PCDHGB2: variants seen among roughly 807,000 people sequenced by gnomAD.
The protein encoded by PCDHGB2 is protocadherin gamma subfamily B, 2.
A neutral mutation model predicts 59.3 loss-of-function variants in PCDHGB2; 55 were observed. That is an observed-to-expected ratio of 0.93 (90% CI 0.75 to 1.16). The LOEUF is 1.16. Among genes scored for constraint, PCDHGB2 ranks in the 50% most tolerant of loss-of-function variants. PCDHGB2 has a pLI of 0.00. For missense variants in PCDHGB2, 1,228 were observed against 1,198.5 expected (o/e 1.02, Z -0.36); for synonymous variants, 516 against 512.0 (o/e 1.01, Z -0.11).
Position 141,477,849 on chromosome 5 carries a change from A to G in PCDHGB2, c.2422-16958A>G. ...CCTCGGCCAGGTGGGAGCTCGGTGGAGATGCTGCCTCGAGGTACCTCAGCT... is the reference window on the plus strand; with the variant it reads ...CCTCGGCCAGGTGGGAGCTCGGTGGGGATGCTGCCTCGAGGTACCTCAGCT... On this transcript the variant is annotated intron_variant, in intron 1 of 3. Transcript: ENST00000522605. This position sits in a 1 kb window ranked among gnomAD's most constrained non-coding sequence, Gnocchi z 4.9. The G allele has an allele frequency of 6.8e-6, 11 of 1,612,812 alleles. No individual in the cohort carries two copies. Among genetic ancestry groups the G allele is most frequent in the Non-Finnish European group, 8.5e-6 (10 of 1,179,548 alleles).
chr5:141,390,186 A>G (rs760464699), intron 1 of PCDHGB2: 1 of 1,614,048 alleles, frequency 6.2e-7, no homozygotes, highest in East Asian at 2.2e-5. Flanking sequence ...CCTAAAATGT[A>G]GTGAGCAGTT....
At chr5:141,456,312 G>A (rs1036961015) in intron 1 of PCDHGB2, among the ~76,000 whole-genome samples, 2 of 152,126 alleles carry the variant, frequency 1.3e-5, no homozygotes, top group African/African-American at 4.8e-5. Flanking sequence ...AGCAGCTAGG[G>A]CTCCTCCTGG....
chr5:141,450,092 C>T (rs761677942), intron 1 of PCDHGB2, among the ~76,000 whole-genome samples: 2 of 148,672 alleles, frequency 1.3e-5, no homozygotes, highest in Non-Finnish European at 3.0e-5. Flanking sequence ...CTGCAACCTC[C>T]GCCTCCCAGG....
In PCDHGB2 at chr5:141,511,261, G is replaced by A; in HGVS notation, c.*88G>A. On this transcript the variant is annotated 3_prime_UTR_variant, in exon 4 of 4. Transcript: ENST00000522605. The stretch of plus-strand genomic sequence containing the variant: ...CTGCACCCAGGCCTCAGAGTTTCAG[G>A]GCTAACCCCCAGAATACTGGTAGGG... 2 of 1,557,474 alleles carry A rather than the reference G, an allele frequency of 1.3e-6. No homozygotes were observed. The highest frequency in any genetic ancestry group is 1.4e-5 in the African/African-American group (1 of 73,440).
At chr5:141,407,851 C>T (rs2094989102) in intron 1 of PCDHGB2, among the ~76,000 whole-genome samples, 1 of 152,194 alleles carries the variant, frequency 6.6e-6, no homozygotes, top group Non-Finnish European at 1.5e-5. Flanking sequence ...GGGGGATGTA[C>T]ACCTGCATTT....
chr5:141,376,914 C>G (rs1025348102), intron 1 of PCDHGB2: 2 of 179,598 alleles, frequency 1.1e-5, no homozygotes, highest in Non-Finnish European at 2.3e-5. Flanking sequence ...GTCTCGATCT[C>G]CTGACCTCAT....
At chr5:141,394,875 A>G in intron 1 of PCDHGB2, 3 of 1,613,722 alleles carry the variant, frequency 1.9e-6, no homozygotes, top group Non-Finnish European at 8.5e-7. Flanking sequence ...GAACGATTCG[A>G]GCCTTACACT....
chr5:141,450,669 T>C (rs2098689726), intron 1 of PCDHGB2, among the ~76,000 whole-genome samples: 1 of 151,904 alleles, frequency 6.6e-6, no homozygotes, highest in Admixed American at 6.6e-5. Context: ...GTACTTTTAG[T>C]AGAAACGGGG....
chr5:141,389,747 G>A (rs766506538), intron 1 of PCDHGB2: 38 of 1,612,722 alleles, frequency 2.4e-5, no homozygotes, highest in Admixed American at 2.2e-4. Context: ...GGCTGCGCAC[G>A]GGCGAAGTGC....
At position 141,400,283 on chromosome 5, in the gene PCDHGB2, C is replaced by T. The variant is rs566639489; in HGVS notation, c.2421+37727C>T. 2.5e-6 allele frequency: 4 copies of T among 1,614,084 alleles called. No individual in the cohort carries two copies. In the African/African-American group the frequency reaches 5.3e-5, roughly 22 times the overall value. On this transcript the variant is annotated intron_variant, in intron 1 of 3. Coordinates refer to ENST00000522605, the MANE Select transcript of PCDHGB2 (RefSeq NM_018923.3). The stretch of plus-strand genomic sequence containing the variant: ...CTGCGACGCTCCTCCAGCCCTGCCG[C>T]CTGGAGCTGCTTCCAACCTGGTCTC...
chr5:141,478,164 C>A (rs202185809), intron 1 of PCDHGB2: 2 of 1,614,010 alleles, frequency 1.2e-6, no homozygotes, highest in African/African-American at 1.3e-5. Context: ...GGCTCTGCCC[C>A]CCGGGAGCAG....
chr5:141,505,911 A>C (rs2099849083), intron 3 of PCDHGB2, among the ~76,000 whole-genome samples: 1 of 152,154 alleles, frequency 6.6e-6, no homozygotes, highest in South Asian at 2.1e-4. Flanking sequence ...CAAAGCATAG[A>C]GTTCTGGGCC....
chr5:141,399,252 TG>T, intron 1 of PCDHGB2: 1 of 1,613,778 alleles, frequency 6.2e-7, no homozygotes, highest in Non-Finnish European at 8.5e-7. Context: ...CTGGGGAAAA[TG>T]GGGAGGTTAA....
At chr5:141,500,488 C>T (rs569168291) in intron 2 of PCDHGB2, among the ~76,000 whole-genome samples, 4 of 152,178 alleles carry the variant, frequency 2.6e-5, no homozygotes, top group South Asian at 2.1e-4. Flanking sequence ...GGATTACAGG[C>T]GTGAGCCACC....
chr5:141,482,144 G>A (rs564178008), intron 1 of PCDHGB2, among the ~76,000 whole-genome samples: 2 of 151,756 alleles, frequency 1.3e-5, no homozygotes, highest in African/African-American at 2.4e-5. Flanking sequence ...GGCATAAAAA[G>A]GTCAAGTCAA....
chr5:141,423,661 GT>G, intron 1 of PCDHGB2: 1 of 1,555,760 alleles, frequency 6.4e-7, no homozygotes. Flanking sequence ...AAGTAATCAG[GT>G]GAGATTTATT....
rs750876131 is a variant in PCDHGB2 at position 141,366,508 on chromosome 5, G to C, written c.2421+3952G>C. 2.5e-6 allele frequency: 4 copies of C among 1,614,144 alleles called. No individual in the cohort carries two copies. The African/African-American group carries it at 5.3e-5, about 22-fold the overall frequency. Reference sequence around the variant, plus strand: ...GCTGGCACAAGTCACGCCTGCTTCAGGCTGAAGGCAGCAGGTTGGCGGGTG... The same window carrying C: ...GCTGGCACAAGTCACGCCTGCTTCACGCTGAAGGCAGCAGGTTGGCGGGTG... On this transcript the variant is annotated intron_variant, in intron 1 of 3. Transcript: ENST00000522605.
chr5:141,375,486 G>C (rs1193457334), intron 1 of PCDHGB2: 1 of 1,613,796 alleles, frequency 6.2e-7, no homozygotes, highest in Non-Finnish European at 8.5e-7. Flanking sequence ...AACCCCAGGG[G>C]TGCCTCCATC....
intron 1 of PCDHGB2, chr5:141,418,384 C>A (rs774636792): frequency 1.5e-5 from 25 of 1,613,864 alleles, no homozygotes; most frequent in East Asian, 4.5e-5. Context: ...TAAGTCCTAA[C>A]GAGTATTTCT....
Sources: gnomAD v4.1 joint callset for allele counts (sites outside exome capture counted in the v4.1 genomes callset) on GRCh38, gnomAD v4.1.1 for gene constraint, Gnocchi (gnomAD v3.1) non-coding constraint, MANE v1.5 for transcripts, NCBI Gene and HGNC (gene_info 2026-07-23, HGNC 2026-07-21) for gene names.